Variants in PRKG1 observed in about 807,000 individuals in gnomAD.
The protein encoded by PRKG1 is protein kinase cGMP-dependent 1.
A neutral mutation model predicts 88.1 loss-of-function variants in PRKG1; 35 were observed. The observed-to-expected ratio is 0.40, with a 90% CI of 0.30 to 0.53. The LOEUF is 0.53. PRKG1 is among the 20% of genes least tolerant of loss of function. The probability of loss-of-function intolerance (pLI) is 0.59; values close to 1 mark genes in which losing one functional copy is unlikely to be tolerated. For missense variants in PRKG1, 540 were observed against 839.8 expected, an observed-to-expected ratio of 0.64 and a Z score of 4.41; for synonymous variants, 303 against 292.5, an observed-to-expected ratio of 1.04 and a Z score of -0.37.
intron 4 of PRKG1, among the ~76,000 whole-genome samples, chr10:51,900,401 C>CT (rs1419378475): frequency 6.6e-6 from 1 of 152,140 alleles, no homozygotes; most frequent in African/African-American, 2.4e-5. Flanking sequence ...TTTTCATACT[C>CT]TATTATAACA....
At chr10:51,648,541 T>G (rs888426694) in intron 3 of PRKG1, among the ~76,000 whole-genome samples, 6 of 152,322 alleles carry the variant, frequency 3.9e-5, no homozygotes, top group African/African-American at 1.4e-4. Context: ...ATCTTCGCAG[T>G]GTTCCTGTAA....
At position 52,295,555 on chromosome 10, in the gene PRKG1, A is replaced by C. The variant is rs1398751575; in HGVS notation, c.*1655A>C. The C allele has an allele frequency of 6.6e-6, 1 of 151,952 alleles. No individual in the cohort carries two copies. Among genetic ancestry groups the C allele is most frequent in the East Asian group, 1.9e-4 (1 of 5,182 alleles). The allele number at this position is 151,952 out of a possible 1,614,324, so 9.4% of individuals were successfully genotyped here. A position where few individuals can be genotyped will look rare whatever the true frequency, so the allele number is the denominator to read the frequency against. On this transcript the variant is annotated 3_prime_UTR_variant, in exon 18 of 18. Transcript: ENST00000373980. ...CATTTCCTGGACAAAATTACATTAT[A>C]CCTGTGAAGAAAAATATAGAAGCTT...
At chr10:52,244,882 A>G (rs1840980987) in intron 9 of PRKG1, among the ~76,000 whole-genome samples, 1 of 130,690 alleles carries the variant, frequency 7.7e-6, no homozygotes, top group Non-Finnish European at 1.6e-5. Context: ...TAAAATATTT[A>G]AATAATACTT....
At chr10:52,089,804 CTTTTTTT>C (rs397846439) in intron 7 of PRKG1, among the ~76,000 whole-genome samples, 6 of 67,724 alleles carry the variant, frequency 8.9e-5, no homozygotes, top group East Asian at 6.4e-4. Context: ...TTCTTTCCTT[CTTTTTTT>C]TTTTTTTTTT....
At chr10:51,797,584 A>G (rs1345873144) in intron 3 of PRKG1, among the ~76,000 whole-genome samples, 3 of 147,272 alleles carry the variant, frequency 2.0e-5, no homozygotes, top group African/African-American at 7.4e-5. Flanking sequence ...TATGTTATAT[A>G]TAAATATCTA....
chr10:51,583,794 T>G (rs550016936), intron 3 of PRKG1, among the ~76,000 whole-genome samples: 25 of 152,244 alleles, frequency 1.6e-4, no homozygotes, highest in African/African-American at 6.0e-4. Flanking sequence ...TATACTATAA[T>G]GGAGCAGAGA....
intron 9 of PRKG1, among the ~76,000 whole-genome samples, chr10:52,204,040 G>C (rs1839744942): frequency 6.6e-6 from 1 of 151,574 alleles, no homozygotes; most frequent in Admixed American, 6.6e-5. Context: ...ATTAATATGT[G>C]TGGATTTGAT....
chr10:51,006,940 T>A (rs1332384562), intron 1 of PRKG1, among the ~76,000 whole-genome samples: 3 of 149,356 alleles, frequency 2.0e-5, no homozygotes, highest in Non-Finnish European at 4.5e-5. Context: ...CCTGAGATTT[T>A]TTTTTTTTTT....
At chr10:51,917,562 G>C (rs1842370021) in intron 5 of PRKG1, among the ~76,000 whole-genome samples, 1 of 152,088 alleles carries the variant, frequency 6.6e-6, no homozygotes. Context: ...TGTGTACTTG[G>C]GGGTCTCATT....
At chr10:51,306,672 G>T (rs1257765903) in intron 2 of PRKG1, 1 of 152,132 alleles carries the variant, frequency 6.6e-6, no homozygotes, top group Admixed American at 6.6e-5. Flanking sequence ...TAGTAAAGGA[G>T]ACTTAGTCTC....
In PRKG1 at chr10:51,260,124, G is replaced by A. The variant is rs1468991053; in HGVS notation, c.478+106794G>A. ...TTGTGATCATGCTCTTACTGATTGCGTGAACTGCTGCCTGCCAATTCCATT... is the reference window on the plus strand; with the variant it reads ...TTGTGATCATGCTCTTACTGATTGCATGAACTGCTGCCTGCCAATTCCATT... On this transcript the variant is annotated intron_variant, in intron 2 of 17. Transcript: ENST00000373980. Among the ~76,000 whole-genome samples the A allele has an allele frequency of 1.5e-4, 23 of 152,188 alleles. 1 individual carries two copies. The East Asian group carries it at 3.3e-3, about 22-fold the overall frequency.
At chr10:51,083,319 G>T (rs576669471) in intron 1 of PRKG1, among the ~76,000 whole-genome samples, 100 of 152,288 alleles carry the variant, frequency 6.6e-4, no homozygotes, top group Non-Finnish European at 1.3e-3. Flanking sequence ...TTCATCCCAA[G>T]TTTTTTGTTT....
chr10:51,975,389 C>T (rs76762140), intron 5 of PRKG1, among the ~76,000 whole-genome samples: 17,434 of 151,482 alleles, frequency 0.12, 1,279 homozygotes, highest in East Asian at 0.32. Context: ...AAGACTCAAG[C>T]GGGGGAAATA....
chr10:51,363,341 A>C (rs1362873092), intron 2 of PRKG1, among the ~76,000 whole-genome samples: 2 of 151,902 alleles, frequency 1.3e-5, no homozygotes, highest in South Asian at 2.1e-4. Flanking sequence ...CTGCTTTTAC[A>C]ACTTTCTTTT....
At chr10:52,272,355 T>A (rs1841751288) in intron 11 of PRKG1, 37 bp from the exon 12 acceptor site, 3 of 1,473,712 alleles carry the variant, frequency 2.0e-6, no homozygotes, top group African/African-American at 1.4e-5. Flanking sequence ...AAGACAGTAA[T>A]GTTTATAATC....
rs749205610 is a variant in PRKG1, at chr10:51,601,721, A to ATTTTTTTTTTTT, written c.592+133922_592+133933dup. On this transcript the variant is annotated intron_variant, in intron 3 of 17. Coordinates refer to ENST00000373980, the MANE Select transcript of PRKG1 (RefSeq NM_006258.4). ...TTTTAGAAATAAAGTGGCAGATTGA[A>ATTTTTTTTTTTT]TTTTTTTTTTTTTTTTTTTTTTTTT... Among the ~76,000 whole-genome samples the ATTTTTTTTTTTT allele has an allele frequency of 3.9e-4, 17 of 43,574 alleles. 1 individual carries two copies. Among genetic ancestry groups the ATTTTTTTTTTTT allele is most frequent in the African/African-American group, 4.5e-4 (6 of 13,344 alleles). The allele number at this position is 43,574 out of a possible 152,430, so 28.6% of individuals were successfully genotyped here.
chr10:51,770,673 G>T (rs1288226152), intron 3 of PRKG1, among the ~76,000 whole-genome samples: 2 of 152,128 alleles, frequency 1.3e-5, no homozygotes. Context: ...GCGCATGTGA[G>T]GGATCTAGGT....
intron 3 of PRKG1, among the ~76,000 whole-genome samples, chr10:51,786,771 C>T (rs1838740407): frequency 6.6e-6 from 1 of 152,116 alleles, no homozygotes; most frequent in Admixed American, 6.6e-5. Flanking sequence ...TACTTTCAAG[C>T]TTTACTTGTG....
At chr10:52,027,049 T>C (rs1845359333) in intron 5 of PRKG1, among the ~76,000 whole-genome samples, 1 of 152,200 alleles carries the variant, frequency 6.6e-6, no homozygotes, top group South Asian at 2.1e-4. Context: ...TTTGTGACTG[T>C]GTCTGCCCAG....
Sources: gnomAD v4.1 joint callset for allele counts (sites outside exome capture counted in the v4.1 genomes callset) on GRCh38, gnomAD v4.1.1 for gene constraint, MANE v1.5 for transcripts, NCBI Gene and HGNC (gene_info 2026-07-23, HGNC 2026-07-21) for gene names.